Variants in PCDHGA3 observed in about 807,000 individuals in gnomAD.
PCDHGA3 encodes the protein protocadherin gamma-A3.
A neutral mutation model predicts 58.5 loss-of-function variants in PCDHGA3; 40 were observed. The observed-to-expected ratio is 0.68, with a 90% confidence interval of 0.53 to 0.89. PCDHGA3 has a LOEUF of 0.89. Among genes scored for constraint, PCDHGA3 ranks in the 40% least tolerant of loss-of-function variants. The probability of loss-of-function intolerance (pLI) is 0.00; values close to 1 mark genes in which losing one functional copy is unlikely to be tolerated. For synonymous variants in PCDHGA3, 530 were observed against 525.7 expected, an observed-to-expected ratio of 1.01 and a Z score of -0.11; for missense variants, 1,223 against 1,195.9, an observed-to-expected ratio of 1.02 and a Z score of -0.33.
chr5:141,410,142 G>A (rs2095361095), intron 1 of PCDHGA3: 3 of 1,612,612 alleles, frequency 1.9e-6, no homozygotes, highest in East Asian at 2.2e-5. Context: ...GTCGCTGTGC[G>A]TGACGGTGGA....
chr5:141,356,965 A>T, intron 1 of PCDHGA3: 2 of 1,614,210 alleles, frequency 1.2e-6, no homozygotes, highest in Non-Finnish European at 1.7e-6. Context: ...CTACCTGGTG[A>T]CCAAAGTGGT....
At position 141,431,549 on chromosome 5, in the gene PCDHGA3, G is replaced by A. The variant is rs750427346; in HGVS notation, c.2425-63258G>A. ...GGCCTTGGGCACGCAGCTGCTTGTA[G>A]TCAACGCTACCGACCCTGACGAAGG... On this transcript the variant is annotated intron_variant, in intron 1 of 3. Coordinates refer to ENST00000253812, the MANE Select transcript of PCDHGA3 (RefSeq NM_018916.4). This position sits in a 1 kb window ranked among gnomAD's most constrained non-coding sequence, Gnocchi z 4.8. The A allele has an allele frequency of 6.2e-7, 1 of 1,614,156 alleles. No homozygotes were observed. Among genetic ancestry groups the A allele is most frequent in the South Asian group, 1.1e-5 (1 of 91,090 alleles).
intron 1 of PCDHGA3, chr5:141,382,795 T>A: frequency 1.0e-6 from 1 of 982,614 alleles, no homozygotes; most frequent in Non-Finnish European, 1.5e-6. Context: ...TCTATCCTGC[T>A]GGATTCTGAG....
At chr5:141,389,552 T>C (rs752525339) in intron 1 of PCDHGA3, 14 of 1,613,104 alleles carry the variant, frequency 8.7e-6, no homozygotes, top group East Asian at 6.7e-5. Context: ...GCAACGACAA[T>C]GCGCCACGGG....
intron 1 of PCDHGA3, among the ~76,000 whole-genome samples, chr5:141,446,280 A>G (rs1011084291): frequency 2.6e-5 from 4 of 152,162 alleles, no homozygotes; most frequent in South Asian, 2.1e-4. Context: ...AATACAATGG[A>G]TAAATGGGGA....
At chr5:141,389,197 T>C (rs2091642576) in intron 1 of PCDHGA3, 1 of 1,614,010 alleles carries the variant, frequency 6.2e-7, no homozygotes, top group East Asian at 2.2e-5. Context: ...AGCATCACCC[T>C]GCACATTGGT....
rs201895231 is a variant in PCDHGA3 at position 141,392,844 on chromosome 5, G to A, written c.2424+46387G>A. On this transcript the variant is annotated intron_variant, in intron 1 of 3. Coordinates refer to ENST00000253812, the MANE Select transcript of PCDHGA3 (RefSeq NM_018916.4). ...CGCTCCACAGAGTCGCCCCAGACGC[G>A]GCGAGCTGATCCTGCTGTGCGCGCT... The A allele has an allele frequency of 1.3e-5, 21 of 1,609,468 alleles. 1 individual carries two copies. The East Asian group carries it at 1.6e-4, about 12-fold the overall frequency.
chr5:141,372,932 G>A (rs3806834), intron 1 of PCDHGA3: 35,987 of 882,390 alleles, frequency 0.041, 1,563 homozygotes, highest in Admixed American at 0.21. Flanking sequence ...TTCTGGTGTA[G>A]AGTAGGGTGT....
At chr5:141,365,770 C>G in intron 1 of PCDHGA3, 4 of 1,613,918 alleles carry the variant, frequency 2.5e-6, no homozygotes, top group Non-Finnish European at 3.4e-6. Context: ...ATGACCCCGA[C>G]AGCGGCGACA....
chr5:141,350,166 A>AT, intron 1 of PCDHGA3: 1 of 1,181,016 alleles, frequency 8.5e-7, no homozygotes, highest in African/African-American at 1.5e-5. Flanking sequence ...CGCCTAACTA[A>AT]TAAGTCCTAA....
chr5:141,415,182 C>T (rs2095840318), intron 1 of PCDHGA3: 2 of 1,613,842 alleles, frequency 1.2e-6, no homozygotes, highest in Non-Finnish European at 1.7e-6. Flanking sequence ...TGGCCGTGGC[C>T]GACAGCATCC....
intron 1 of PCDHGA3, chr5:141,412,947 C>A (rs930035804): frequency 2.1e-6 from 1 of 474,890 alleles, no homozygotes; most frequent in African/African-American, 2.0e-5. Flanking sequence ...CTCTGAGCGC[C>A]GCTGTTCACC....
chr5:141,494,790 C>A lies in PCDHGA3; in HGVS notation c.2425-17C>A, dbSNP rs909145. 17 of 1,614,014 alleles carry A rather than the reference C, an allele frequency of 1.1e-5. 1 individual carries two copies. The South Asian group carries it at 1.9e-4, about 18-fold the overall frequency. ...TCTCACGGGTACTCAGCCCCTTTCC[C>A]TCTGTTTTCTCCACAGCAAGCCCCG... On this transcript the variant is annotated splice_polypyrimidine_tract_variant and intron_variant, in intron 1 of 3. Transcript: ENST00000253812.
intron 1 of PCDHGA3, chr5:141,420,445 T>C: frequency 9.6e-7 from 1 of 1,044,750 alleles, no homozygotes; most frequent in Non-Finnish European, 1.3e-6. Context: ...AATGCCTCAG[T>C]CTTCCTACTA....
chr5:141,498,578 G>T (rs1404493166), intron 2 of PCDHGA3, among the ~76,000 whole-genome samples: 1 of 152,048 alleles, frequency 6.6e-6, no homozygotes, highest in African/African-American at 2.4e-5. Flanking sequence ...CTAGTATTGA[G>T]TTCTTCAGTA....
chr5:141,463,572 C>A (rs1462125489), intron 1 of PCDHGA3, among the ~76,000 whole-genome samples: 2 of 151,572 alleles, frequency 1.3e-5, no homozygotes, highest in African/African-American at 4.9e-5. Context: ...CCTCAGCCTC[C>A]CGAGTAGCTG....
Position 141,366,618 on chromosome 5 carries a change from C to T in PCDHGA3, c.2424+20161C>T, listed in dbSNP as rs781279706. Reference sequence around the variant, plus strand: ...CACGAGGTCTCCCTCACCGCGGACTCGAGGAAGAGTCACCTGATCTTTCCC... The same window carrying T: ...CACGAGGTCTCCCTCACCGCGGACTTGAGGAAGAGTCACCTGATCTTTCCC... On this transcript the variant is annotated intron_variant, in intron 1 of 3. Coordinates refer to ENST00000253812, the MANE Select transcript of PCDHGA3 (RefSeq NM_018916.4). 7.4e-6 allele frequency: 12 copies of T among 1,614,114 alleles called. No homozygotes were observed. Among genetic ancestry groups the T allele is most frequent in the Non-Finnish European group, 1.0e-5 (12 of 1,180,056 alleles).
chr5:141,472,159 A>G (rs1020175900), intron 1 of PCDHGA3, among the ~76,000 whole-genome samples: 1 of 152,246 alleles, frequency 6.6e-6, no homozygotes, highest in Non-Finnish European at 1.5e-5. Context: ...TTACATAGCT[A>G]CTAGGTGTAA....
chr5:141,431,462 G>A lies in PCDHGA3; in HGVS notation c.2425-63345G>A. ...GCGCATCCGCGTGATGGTTCTGGAT[G>A]CGAACGACAACGCACCAGCGTTTGC... On this transcript the variant is annotated intron_variant, in intron 1 of 3. Transcript: ENST00000253812. This position sits in a 1 kb window ranked among gnomAD's most constrained non-coding sequence, Gnocchi z 4.8. 6.2e-7 allele frequency: 1 copy of A among 1,613,826 alleles called. No individual in the cohort carries two copies. The highest frequency in any genetic ancestry group is 2.2e-5 in the East Asian group (1 of 44,886).
Sources: gnomAD v4.1 joint callset for allele counts (sites outside exome capture counted in the v4.1 genomes callset) on GRCh38, gnomAD v4.1.1 for gene constraint, Gnocchi (gnomAD v3.1) non-coding constraint, MANE v1.5 for transcripts, NCBI Gene and HGNC (gene_info 2026-07-23, HGNC 2026-07-21) for gene names.